KCNJ10: variants seen among roughly 807,000 people sequenced by gnomAD.
The protein encoded by KCNJ10 is ATP-sensitive inward rectifier potassium channel 10.
A neutral mutation model predicts 22.2 loss-of-function variants in KCNJ10; 9 were observed. The observed-to-expected ratio is 0.40, with a 90% CI of 0.24 to 0.71. The LOEUF (loss-of-function observed/expected upper bound fraction) is 0.71, where lower values mean the gene tolerates loss of function less well. Ranked by LOEUF, KCNJ10 falls within the 30% of genes least tolerant of loss-of-function variation. KCNJ10 has a pLI of 0.35. For synonymous variants in KCNJ10, 184 were observed against 187.3 expected (o/e 0.98, Z 0.15); for missense variants, 337 against 482.7 (o/e 0.70, Z 2.83).
chr1:160,050,219 G>A (rs939389631), intron 1 of KCNJ10, among the ~76,000 whole-genome samples: 1 of 151,616 alleles, frequency 6.6e-6, no homozygotes. Flanking sequence ...CTGCAGCCTC[G>A]ACCTCCTGGG....
intron 1 of KCNJ10, among the ~76,000 whole-genome samples, chr1:160,056,655 T>G (rs1017417638): frequency 6.6e-6 from 1 of 152,236 alleles, no homozygotes; most frequent in African/African-American, 2.4e-5. Context: ...TGTTCTCCTC[T>G]AGAGATTGTG....
At chr1:160,048,989 A>T (rs1290950497) in intron 1 of KCNJ10, among the ~76,000 whole-genome samples, 1 of 152,194 alleles carries the variant, frequency 6.6e-6, no homozygotes, top group Non-Finnish European at 1.5e-5. Flanking sequence ...ATGAACATTT[A>T]TCCAGTACTT....
intron 1 of KCNJ10, among the ~76,000 whole-genome samples, chr1:160,042,940 A>AG (rs1648647421): frequency 6.6e-6 from 1 of 151,368 alleles, no homozygotes; most frequent in African/African-American, 2.4e-5. Flanking sequence ...CCGTCTCAAA[A>AG]AAAAAAAAAA....
At chr1:160,053,381 G>A (rs1648949883) in intron 1 of KCNJ10, among the ~76,000 whole-genome samples, 1 of 152,132 alleles carries the variant, frequency 6.6e-6, no homozygotes, top group African/African-American at 2.4e-5. Context: ...ATGAGGGTTG[G>A]GGAAGAGAAA....
At chr1:160,045,077 C>T (rs1406876582) in intron 1 of KCNJ10, among the ~76,000 whole-genome samples, 1 of 152,150 alleles carries the variant, frequency 6.6e-6, no homozygotes, top group Non-Finnish European at 1.5e-5. Flanking sequence ...CGAAGAAGTG[C>T]AACAGAGAAC....
intron 1 of KCNJ10, among the ~76,000 whole-genome samples, chr1:160,056,296 G>A (rs536275651): frequency 5.9e-5 from 9 of 152,220 alleles, no homozygotes; most frequent in South Asian, 2.1e-4. Context: ...CACAGCTTTC[G>A]TGATAAAATT....
chr1:160,061,620 G>A (rs1326250853), intron 1 of KCNJ10, among the ~76,000 whole-genome samples: 1 of 151,872 alleles, frequency 6.6e-6, no homozygotes, highest in Non-Finnish European at 1.5e-5. Context: ...TTAGCCCCAG[G>A]GCCACATTCT....
intron 1 of KCNJ10, among the ~76,000 whole-genome samples, chr1:160,047,426 GCACAC>G (rs1648768603): frequency 2.6e-5 from 4 of 152,138 alleles, no homozygotes; most frequent in Admixed American, 2.0e-4. Context: ...TAGCCTCTCA[GCACAC>G]CATTCATGAT....
chr1:160,069,496 G>A (rs1315937766), intron 1 of KCNJ10, among the ~76,000 whole-genome samples: 1 of 152,168 alleles, frequency 6.6e-6, no homozygotes, highest in Non-Finnish European at 1.5e-5. Context: ...GGGTGGGCAG[G>A]GGTCTGGAGC....
intron 1 of KCNJ10, among the ~76,000 whole-genome samples, chr1:160,064,435 T>C (rs184377198): frequency 6.6e-6 from 1 of 152,346 alleles, no homozygotes; most frequent in East Asian, 1.9e-4. Context: ...TGTGAAAATA[T>C]AAGACAATGT....
At position 160,039,495 on chromosome 1, in the gene KCNJ10, G is replaced by C. The variant is rs981746645; in HGVS notation, c.*1898C>G. On this transcript the variant is annotated 3_prime_UTR_variant, in exon 2 of 2. Transcript: ENST00000644903. ...AATGTTGAATAAAGTTGAGAACGCA[G>C]AAGCTGGCTCTTGGCCTTCTGTTCT... The C allele has an allele frequency of 6.6e-6, 1 of 151,946 alleles. No individual in the cohort carries two copies. The highest frequency in any genetic ancestry group is 1.5e-5 in the Non-Finnish European group (1 of 68,018). The allele number at this position is 151,946 out of a possible 1,614,324, so 9.4% of individuals were successfully genotyped here. A position where few individuals can be genotyped will look rare whatever the true frequency, so the allele number is the denominator to read the frequency against.
At position 160,041,322 on chromosome 1, in the gene KCNJ10, G is replaced by T; in HGVS notation, c.*71C>A. ...TTCGGGGGATCTCCAGTAAACCCGGGTAGTATTCCTTACCAGGGCATTGGA... is the reference window on the plus strand; with the variant it reads ...TTCGGGGGATCTCCAGTAAACCCGGTTAGTATTCCTTACCAGGGCATTGGA... On this transcript the variant is annotated 3_prime_UTR_variant, in exon 2 of 2. Transcript: ENST00000644903. The surrounding 1 kb of genome is among the most constrained non-coding windows in gnomAD (Gnocchi z 4.4). 1 of 1,450,178 alleles carries T rather than the reference G, an allele frequency of 6.9e-7. No individual in the cohort carries two copies. Among genetic ancestry groups the T allele is most frequent in the Non-Finnish European group, 9.6e-7 (1 of 1,047,032 alleles). The allele number at this position is 1,450,178 out of a possible 1,614,324, so 89.8% of individuals were successfully genotyped here.
chr1:160,052,604 TAGAGTG>T (rs1236122938), intron 1 of KCNJ10, among the ~76,000 whole-genome samples: 2 of 152,190 alleles, frequency 1.3e-5, no homozygotes, highest in African/African-American at 2.4e-5. Context: ...ATTCTGAAGA[TAGAGTG>T]AGAGAATTAG....
intron 1 of KCNJ10, among the ~76,000 whole-genome samples, chr1:160,053,105 G>C (rs1455752491): frequency 1.3e-5 from 2 of 152,076 alleles, no homozygotes; most frequent in Non-Finnish European, 2.9e-5. Context: ...GGTCAGTCTG[G>C]GAGGTGCTAC....
At chr1:160,055,506 T>C (rs947305644) in intron 1 of KCNJ10, among the ~76,000 whole-genome samples, 1 of 152,220 alleles carries the variant, frequency 6.6e-6, no homozygotes, top group Admixed American at 6.5e-5. Context: ...TCTACCTTGA[T>C]TAGCCATTAA....
At chr1:160,042,557 G>A in intron 1 of KCNJ10, 25 bp from the exon 2 acceptor site, 1 of 1,607,628 alleles carries the variant, frequency 6.2e-7, no homozygotes, top group Non-Finnish European at 8.5e-7. Flanking sequence ...ACAGCATAAT[G>A]GAGGTTATCG....
rs1228500935 is a variant in KCNJ10, at chr1:160,050,315, T to C, written c.1-7783A>G. On this transcript the variant is annotated intron_variant, in intron 1 of 1. Transcript: ENST00000644903. ...CACCCAGCTAATTTTTTTTTTTTTG[T>C]AGAGATGGGATCCCACTATGTTGCC... 3.5e-5 allele frequency among the ~76,000 whole-genome samples: 5 copies of C among 143,598 alleles called. No individual in the cohort carries two copies. The East Asian group carries it at 8.4e-4, about 24-fold the overall frequency. The allele number at this position is 143,598 out of a possible 152,430, so 94.2% of individuals were successfully genotyped here.
intron 1 of KCNJ10, among the ~76,000 whole-genome samples, chr1:160,058,409 A>C (rs1649095244): frequency 6.6e-6 from 1 of 152,188 alleles, no homozygotes; most frequent in Non-Finnish European, 1.5e-5. Context: ...TGCCTCAGTG[A>C]TAAAATCCAG....
In KCNJ10 at chr1:160,041,866, T is replaced by A. The variant is rs1256209696; in HGVS notation, c.667A>T (p.Thr223Ser). 2 of 1,614,162 alleles carry A rather than the reference T, an allele frequency of 1.2e-6. No individual in the cohort carries two copies. Among genetic ancestry groups the A allele is most frequent in the South Asian group, 1.1e-5 (1 of 91,076 alleles). ...VTGKLLQTHQ[T>S]KEGENIRLNQ... ...AGCCGGATGTTCTCCCCTTCCTTGG[T>A]TTGGTGGGTCTGAAGCAGTTTTCCT... Residue 223 changes from threonine (T) to serine (S), a missense_variant, in exon 2 of 2, where the codon ACC becomes TCC. Physicochemically the swap from Thr to Ser is moderately conservative, Grantham distance 58. Transcript: ENST00000644903. The surrounding 1 kb of genome is among the most constrained non-coding windows in gnomAD (Gnocchi z 4.4).
Sources: gnomAD v4.1 joint callset for allele counts (sites outside exome capture counted in the v4.1 genomes callset) on GRCh38, gnomAD v4.1.1 for gene constraint, Gnocchi (gnomAD v3.1) non-coding constraint, MANE v1.5 for transcripts, NCBI Gene and HGNC (gene_info 2026-07-23, HGNC 2026-07-21) for gene names.